ADAMTS18: variants seen among roughly 807,000 people sequenced by gnomAD.
ADAMTS18 encodes ADAM metallopeptidase with thrombospondin type 1 motif 18, also known as A disintegrin and metalloproteinase with thrombospondin motifs 18.
Under a neutral mutation model 165.9 loss-of-function variants are expected in ADAMTS18, and 157 were observed. That is an observed-to-expected ratio of 0.95 (90% CI 0.83 to 1.08). The LOEUF is 1.08. ADAMTS18 is among the 50% of genes least tolerant of loss of function. The pLI, the probability that ADAMTS18 is intolerant of heterozygous loss-of-function variation, is 0.00. For synonymous variants in ADAMTS18, 782 were observed against 578.2 expected, an observed-to-expected ratio of 1.35 and a Z score of -5.06; for missense variants, 2,040 against 1,534.0, an observed-to-expected ratio of 1.33 and a Z score of -5.51.
At chr16:77,291,685 A>C (rs2055367515) in intron 20 of ADAMTS18, among the ~76,000 whole-genome samples, 2 of 152,242 alleles carry the variant, frequency 1.3e-5, no homozygotes, top group Non-Finnish European at 2.9e-5. Context: ...CAGAGAACGG[A>C]ACTGACTTTC....
chr16:77,409,912 C>A (rs1330695956), intron 3 of ADAMTS18, among the ~76,000 whole-genome samples: 1 of 152,084 alleles, frequency 6.6e-6, no homozygotes, highest in African/African-American at 2.4e-5. Context: ...ATACCTCCTG[C>A]TAATATTACC....
intron 17 of ADAMTS18, among the ~76,000 whole-genome samples, chr16:77,298,164 G>C (rs1435448674): frequency 6.6e-6 from 1 of 151,778 alleles, no homozygotes; most frequent in East Asian, 1.9e-4. Context: ...TGATTCACCG[G>C]CCTCAGCCCC....
chr16:77,331,483 A>T (rs577894302), intron 12 of ADAMTS18, among the ~76,000 whole-genome samples: 1 of 149,114 alleles, frequency 6.7e-6, no homozygotes, highest in South Asian at 2.1e-4. Flanking sequence ...AAACAACATC[A>T]TTGTTTTAAT....
In ADAMTS18 at chr16:77,411,428, G is replaced by T. The variant is rs146906390; in HGVS notation, c.495+19867C>A. On this transcript the variant is annotated intron_variant, in intron 3 of 22. Coordinates refer to ENST00000282849, the MANE Select transcript of ADAMTS18 (RefSeq NM_199355.4). ...GCTTGGCGCTTGAGACATATTTCAT[G>T]AGTCAGTAGATAGACTTGGACTTTA... Among the ~76,000 whole-genome samples the T allele has an allele frequency of 2.0e-3, 299 of 152,288 alleles. 5 individuals carry two copies. The highest frequency in any genetic ancestry group is 0.017 in the Middle Eastern group (5 of 294).
intron 3 of ADAMTS18, among the ~76,000 whole-genome samples, chr16:77,414,098 C>T (rs1036658079): frequency 1.3e-5 from 2 of 152,118 alleles, no homozygotes; most frequent in South Asian, 4.1e-4. Context: ...ACAGAACCAA[C>T]GTAAGTATAT....
At chr16:77,375,303 T>A (rs2056933302) in intron 3 of ADAMTS18, among the ~76,000 whole-genome samples, 1 of 152,050 alleles carries the variant, frequency 6.6e-6, no homozygotes, top group African/African-American at 2.4e-5. Flanking sequence ...ATTACAGGCA[T>A]GAAAACCCGT....
chr16:77,379,350 C>T (rs1402983011), intron 3 of ADAMTS18, among the ~76,000 whole-genome samples: 1 of 152,194 alleles, frequency 6.6e-6, no homozygotes, highest in Admixed American at 6.5e-5. Context: ...GAGAAGAACG[C>T]TTGCTACTGG....
intron 16 of ADAMTS18, among the ~76,000 whole-genome samples, chr16:77,309,378 CA>C (rs1349925380): frequency 6.6e-6 from 1 of 152,122 alleles, no homozygotes; most frequent in African/African-American, 2.4e-5. Flanking sequence ...GACAATCATA[CA>C]AATCCTTGAT....
At chr16:77,387,707 C>T (rs2057128877) in intron 3 of ADAMTS18, among the ~76,000 whole-genome samples, 1 of 152,022 alleles carries the variant, frequency 6.6e-6, no homozygotes. Context: ...TAACTTCTGC[C>T]AAAAAAATTT....
chr16:77,353,583 C>A lies in ADAMTS18; in HGVS notation c.1614+150G>T, dbSNP rs894801804. On this transcript the variant is annotated intron_variant, in intron 10 of 22. Coordinates refer to ENST00000282849, the MANE Select transcript of ADAMTS18 (RefSeq NM_199355.4). The stretch of plus-strand genomic sequence containing the variant: ...GGATAATTCATTGACAGTAAAATTG[C>A]CACTTAATTATCATGCCAAACAACT... The A allele has an allele frequency of 6.8e-6, 7 of 1,025,736 alleles. No homozygotes were observed. In the African/African-American group the frequency reaches 9.5e-5, roughly 14 times the overall value. The allele number at this position is 1,025,736 out of a possible 1,614,324, so 63.5% of individuals were successfully genotyped here.
chr16:77,401,776 G>A (rs1021151773), intron 3 of ADAMTS18, among the ~76,000 whole-genome samples: 2 of 152,190 alleles, frequency 1.3e-5, no homozygotes, highest in African/African-American at 4.8e-5. Flanking sequence ...TAGACAGAAC[G>A]AAAATGAAGA....
intron 3 of ADAMTS18, among the ~76,000 whole-genome samples, chr16:77,425,170 A>G (rs999819168): frequency 6.6e-6 from 1 of 152,222 alleles, no homozygotes; most frequent in African/African-American, 2.4e-5. Flanking sequence ...TCATAGTCTA[A>G]AAAAGGCCAC....
At chr16:77,287,446 C>G (rs1199463420) in intron 22 of ADAMTS18, among the ~76,000 whole-genome samples, 1 of 152,054 alleles carries the variant, frequency 6.6e-6, no homozygotes, top group Non-Finnish European at 1.5e-5. Flanking sequence ...CTTTATTCTT[C>G]CAAAAGCCAC....
At position 77,364,201 on chromosome 16, in the gene ADAMTS18, G is replaced by A; in HGVS notation, c.959C>T (p.Thr320Ile). 1.2e-6 allele frequency: 2 copies of A among 1,614,030 alleles called. No individual in the cohort carries two copies. The highest frequency in any genetic ancestry group is 1.1e-5 in the South Asian group (1 of 91,066). The change falls in exon 5 of 23, where the codon ACA becomes ATA. Residue 320 changes from threonine to isoleucine, a missense_variant. Physicochemically the swap from Thr to Ile is moderately conservative, Grantham distance 89. Coordinates refer to ENST00000282849, the MANE Select transcript of ADAMTS18 (RefSeq NM_199355.4). ...GKGNVTTYIL[T>I]VMNMVSGLFK... ...ACCCCCGCTTACCATGTTCATTACTGTGAGAATGTATGTGGTGACATTTCC... is the reference window on the plus strand; with the variant it reads ...ACCCCCGCTTACCATGTTCATTACTATGAGAATGTATGTGGTGACATTTCC...
At position 77,314,649 on chromosome 16, in the gene ADAMTS18, G is replaced by GTGTGTGTGTGTGTA. The variant is rs10527824; in HGVS notation, c.2532+5199_2532+5200insTACACACACACACA. ...AATGTGTGTGTATGTGTGTGTGTGT[G>GTGTGTGTGTGTGTA]TATATATATATATGTACATATATAC... On this transcript the variant is annotated intron_variant, in intron 16 of 22. Coordinates refer to ENST00000282849, the MANE Select transcript of ADAMTS18 (RefSeq NM_199355.4). Among the ~76,000 whole-genome samples the GTGTGTGTGTGTGTA allele has an allele frequency of 1.1e-3, 136 of 126,500 alleles. 3 individuals carry two copies. Among genetic ancestry groups the GTGTGTGTGTGTGTA allele is most frequent in the Middle Eastern group, 4.0e-3 (1 of 248 alleles). 83.0% of individuals were successfully genotyped at this position (126,500 alleles called of 152,430 possible).
chr16:77,284,438 T>A (rs2055209144), intron 22 of ADAMTS18, among the ~76,000 whole-genome samples: 1 of 152,130 alleles, frequency 6.6e-6, no homozygotes, highest in Non-Finnish European at 1.5e-5. Context: ...TTTGGTGATT[T>A]GCATATTATG....
Position 77,392,208 on chromosome 16 carries a change from G to A in ADAMTS18, c.496-24485C>T, listed in dbSNP as rs539033072. ...CCTTGGCTGGCTCCTGTTCAGCTCG[G>A]AGTAAAGGCTGAAGCTCTCATCATG... On this transcript the variant is annotated intron_variant, in intron 3 of 22. Transcript: ENST00000282849. 3.3e-5 allele frequency among the ~76,000 whole-genome samples: 5 copies of A among 152,278 alleles called. No individual in the cohort carries two copies. In the South Asian group the frequency reaches 1.0e-3, roughly 32 times the overall value.
In ADAMTS18 at chr16:77,431,585, C is replaced by A; in HGVS notation, c.205G>T (p.Val69Leu). 6.2e-7 allele frequency: 1 copy of A among 1,614,140 alleles called. No individual in the cohort carries two copies. Among genetic ancestry groups the A allele is most frequent in the Middle Eastern group, 1.7e-4 (1 of 6,048 alleles). Reference protein sequence around the residue: ...DDYVFVTPVEVDSAGSYISHD... With the variant: ...DDYVFVTPVELDSAGSYISHD... The stretch of plus-strand genomic sequence containing the variant: ...GAAATATATGACCCGGCTGAGTCTA[C>A]TTCTACTGGCGTGACAAAGACGTAA... Residue 69 changes from valine to leucine, a missense_variant, in exon 3 of 23, where the codon GTA (valine) becomes TTA (leucine). Coordinates refer to ENST00000282849, the MANE Select transcript of ADAMTS18 (RefSeq NM_199355.4).
intron 22 of ADAMTS18, among the ~76,000 whole-genome samples, chr16:77,288,297 C>T (rs2055294094): frequency 6.6e-6 from 1 of 152,072 alleles, no homozygotes; most frequent in Admixed American, 6.6e-5. Flanking sequence ...AATGAGAAAT[C>T]ACTGATAGTC....
Sources: gnomAD v4.1 joint callset for allele counts (sites outside exome capture counted in the v4.1 genomes callset) on GRCh38, gnomAD v4.1.1 for gene constraint, MANE v1.5 for transcripts, NCBI Gene and HGNC (gene_info 2026-07-23, HGNC 2026-07-21) for gene names.